NCOA6: variants seen among roughly 807,000 people sequenced by gnomAD.
NCOA6 encodes the protein nuclear receptor coactivator 6, also known as NRC RAP250.
Under a neutral mutation model 171.4 loss-of-function variants are expected in NCOA6, and 49 were observed. The ratio of observed to expected loss-of-function variants is 0.29; its 90% CI spans 0.23 to 0.36. NCOA6 has a LOEUF of 0.36. NCOA6 is among the 10% of genes least tolerant of loss of function. The pLI is 1.00. For synonymous variants in NCOA6, 910 were observed against 927.5 expected, an observed-to-expected ratio of 0.98 and a Z score of 0.34; for missense variants, 2,248 against 2,554.5, an observed-to-expected ratio of 0.88 and a Z score of 2.59.
chr20:34,765,089 C>A (rs981820917), intron 5 of NCOA6, among the ~76,000 whole-genome samples: 1 of 150,604 alleles, frequency 6.6e-6, no homozygotes, highest in Admixed American at 6.6e-5. Context: ...CCACAGTACT[C>A]CAGCCTGGGT....
chr20:34,820,524 A>C (rs1221047445), intron 1 of NCOA6: 1 of 152,222 alleles, frequency 6.6e-6, no homozygotes, highest in Non-Finnish European at 1.5e-5. Flanking sequence ...TAATCCCAGC[A>C]CTTTAGGAGG....
chr20:34,799,377 C>T (rs1397799869), intron 1 of NCOA6, among the ~76,000 whole-genome samples: 2 of 152,006 alleles, frequency 1.3e-5, no homozygotes, highest in Admixed American at 6.6e-5. Context: ...AGTTACTGGC[C>T]TTAAAGAGGA....
chr20:34,768,072 A>G (rs1436604275), intron 5 of NCOA6, among the ~76,000 whole-genome samples: 1 of 152,224 alleles, frequency 6.6e-6, no homozygotes, highest in African/African-American at 2.4e-5. Flanking sequence ...TAAGCACACA[A>G]GAACTCAATT....
chr20:34,799,523 A>G (rs538409153), intron 1 of NCOA6, among the ~76,000 whole-genome samples: 1 of 152,330 alleles, frequency 6.6e-6, no homozygotes, highest in East Asian at 1.9e-4. Context: ...AAAGAGTACT[A>G]CTTCAAGACA....
At chr20:34,810,560 T>G (rs981843002) in intron 1 of NCOA6, among the ~76,000 whole-genome samples, 3 of 151,870 alleles carry the variant, frequency 2.0e-5, no homozygotes, top group South Asian at 2.1e-4. Context: ...CTTTTTTTTT[T>G]TTTGTTTGTT....
intron 6 of NCOA6, among the ~76,000 whole-genome samples, chr20:34,758,452 G>T (rs1426205373): frequency 6.6e-6 from 1 of 152,132 alleles, no homozygotes; most frequent in Non-Finnish European, 1.5e-5. Flanking sequence ...CTTCACTGTA[G>T]GACTTTCAGT....
chr20:34,729,532 T>C (rs1990357821), intron 13 of NCOA6, among the ~76,000 whole-genome samples: 1 of 136,040 alleles, frequency 7.4e-6, no homozygotes, highest in Non-Finnish European at 1.5e-5. Context: ...ATAAAAATAA[T>C]GCAACAAAAC....
rs2076702243 is a variant in NCOA6, at chr20:34,758,033, G to C, written c.715C>G (p.Pro239Ala). 6.2e-7 allele frequency: 1 copy of C among 1,613,994 alleles called. No individual in the cohort carries two copies. The highest frequency in any genetic ancestry group is 1.3e-5 in the African/African-American group (1 of 74,906). Residue 239 changes from proline to alanine, a missense_variant, in exon 7 of 15, where the codon CCA becomes GCA. By Grantham distance (27) the Pro-to-Ala change is conservative (BLOSUM62 -1). Coordinates refer to ENST00000359003, the MANE Select transcript of NCOA6 (RefSeq NM_014071.5). ...QSHPSGSLAPPHHPMQPVSVN... is the reference protein window; with the variant it reads ...QSHPSGSLAPAHHPMQPVSVN... ...GAGACAGGCTGCATTGGGTGATGTG[G>C]GGGAGCTAAAGATCCTGAGGGATGA...
rs753342884 is a variant in NCOA6, at chr20:34,741,817, A to G, written c.4439T>C (p.Val1480Ala). 3.7e-6 allele frequency: 6 copies of G among 1,614,110 alleles called. No individual in the cohort carries two copies. The Middle Eastern group carries it at 4.9e-4, about 133-fold the overall frequency. The part of the protein sequence containing the change: ...LPSVEENKNL[V>A]SPAMREAPTS... ...TGGTGCTTCCCTCATAGCAGGAGAC[A>G]CCAAATTTTTGTTCTCTTCGACACT... Residue 1480 changes from valine to alanine, a missense_variant, in exon 11 of 15, where the codon GTG (valine) becomes GCG (alanine). Transcript: ENST00000359003.
chr20:34,762,422 ATTGT>A (rs1402894864), intron 5 of NCOA6, among the ~76,000 whole-genome samples: 1 of 151,798 alleles, frequency 6.6e-6, no homozygotes, highest in African/African-American at 2.4e-5. Context: ...ATTTACCTTT[ATTGT>A]TTACTAGTAT....
chr20:34,784,248 T>G (rs984586964), intron 2 of NCOA6, among the ~76,000 whole-genome samples: 6 of 152,050 alleles, frequency 3.9e-5, no homozygotes, highest in Admixed American at 3.9e-4. Flanking sequence ...TTTATTTTTT[T>G]GAGACACGGT....
rs2076414962 is a variant in NCOA6, at chr20:34,749,844, T to C, written c.2351A>G (p.Gln784Arg). 1 of 1,614,238 alleles carries C rather than the reference T, an allele frequency of 6.2e-7. No homozygotes were observed. Reference protein sequence around the residue: ...NNSPSQVMGIQGQVLRPPGPS... With the variant: ...NNSPSQVMGIRGQVLRPPGPS... ...CCCTGGTGGCCGCAGGACCTGTCCC[T>C]GAATGCCCATAACCTGAGATGGACT... The change falls in exon 9 of 15, where the codon CAG becomes CGG. Residue 784 changes from glutamine (Q) to arginine (R), a missense_variant. By Grantham distance (43) the Gln-to-Arg change is conservative. This residue lies in a region of NCOA6 where 987 missense variants were observed against 1,104.7 expected (regional missense o/e 0.89). Coordinates refer to ENST00000359003, the MANE Select transcript of NCOA6 (RefSeq NM_014071.5).
At chr20:34,811,203 A>ATGTATG (rs1457734864) in intron 1 of NCOA6, among the ~76,000 whole-genome samples, 10 of 73,920 alleles carry the variant, frequency 1.4e-4, no homozygotes, top group East Asian at 8.4e-4. Context: ...AACAACGTGT[A>ATGTATG]TATATATATA....
chr20:34,783,060 T>C (rs1846333947), intron 2 of NCOA6, among the ~76,000 whole-genome samples: 1 of 152,180 alleles, frequency 6.6e-6, no homozygotes, highest in Non-Finnish European at 1.5e-5. Context: ...GGTGGGCAGA[T>C]CACTTGAGGT....
chr20:34,790,051 G>T (rs1230686358), intron 2 of NCOA6, among the ~76,000 whole-genome samples: 1 of 148,434 alleles, frequency 6.7e-6, no homozygotes, highest in African/African-American at 2.5e-5. Flanking sequence ...CCTGGCCAAC[G>T]TGGCAAATCC....
At chr20:34,789,438 T>C (rs2077794480) in intron 2 of NCOA6, among the ~76,000 whole-genome samples, 1 of 152,172 alleles carries the variant, frequency 6.6e-6, no homozygotes, top group Non-Finnish European at 1.5e-5. Flanking sequence ...GTGTCACAGG[T>C]TTATCAGCAG....
intron 3 of NCOA6, chr20:34,776,822 G>C: frequency 2.2e-6 from 1 of 454,440 alleles, no homozygotes. Flanking sequence ...AGAAAGAAGA[G>C]AGAGGTTAAG....
At chr20:34,809,867 C>G (rs538138851) in intron 1 of NCOA6, among the ~76,000 whole-genome samples, 8 of 152,278 alleles carry the variant, frequency 5.3e-5, no homozygotes, top group African/African-American at 1.9e-4. Flanking sequence ...ACTCGGGAGG[C>G]TGAGGCAGGA....
intron 5 of NCOA6, among the ~76,000 whole-genome samples, chr20:34,760,222 A>G (rs1039559828): frequency 9.2e-5 from 14 of 152,206 alleles, no homozygotes; most frequent in Non-Finnish European, 1.6e-4. Flanking sequence ...GGCTGCAGTG[A>G]GCTATGATCA....
Sources: gnomAD v4.1 joint callset for allele counts (sites outside exome capture counted in the v4.1 genomes callset) on GRCh38, gnomAD v4.1.1 for gene constraint, gnomAD v4.1.1 regional missense constraint, MANE v1.5 for transcripts, NCBI Gene and HGNC (gene_info 2026-07-23, HGNC 2026-07-21) for gene names.